Variants in TBC1D2B observed in about 807,000 individuals in gnomAD.
The protein encoded by TBC1D2B is TBC1 domain family, member 2B.
Under a neutral mutation model 100.8 loss-of-function variants are expected in TBC1D2B, and 64 were observed. That is an observed-to-expected ratio of 0.64 (90% CI 0.52 to 0.78). The LOEUF is 0.78. TBC1D2B is among the 30% of genes least tolerant of loss of function. The pLI, the probability that TBC1D2B is intolerant of heterozygous loss-of-function variation, is 0.00. For missense variants in TBC1D2B, 1,052 were observed against 1,218.4 expected, an observed-to-expected ratio of 0.86 and a Z score of 2.03; for synonymous variants, 480 against 479.7, an observed-to-expected ratio of 1.00 and a Z score of -0.01.
intron 3 of TBC1D2B, among the ~76,000 whole-genome samples, chr15:78,043,953 G>A (rs896466749): frequency 6.6e-6 from 1 of 150,632 alleles, no homozygotes; most frequent in East Asian, 2.0e-4. Context: ...GGATTGCTTC[G>A]TTCAAGGCTG....
intron 1 of TBC1D2B, among the ~76,000 whole-genome samples, chr15:78,063,713 C>T (rs749796843): frequency 5.9e-5 from 9 of 152,152 alleles, no homozygotes; most frequent in Non-Finnish European, 1.0e-4. Context: ...GCAATAACAA[C>T]ACCACACACA....
intron 3 of TBC1D2B, 133 bp downstream of exon 3, chr15:78,044,767 G>A (rs2073161150): frequency 1.3e-6 from 1 of 796,352 alleles, no homozygotes; most frequent in East Asian, 2.7e-5. Context: ...AATGATCTAT[G>A]GGAAAGTATG....
At chr15:78,048,196 C>T (rs1410219715) in intron 2 of TBC1D2B, among the ~76,000 whole-genome samples, 2 of 152,192 alleles carry the variant, frequency 1.3e-5, no homozygotes, top group Non-Finnish European at 2.9e-5. Context: ...CAGGGAGGAA[C>T]ACGTTGGAGG....
intron 4 of TBC1D2B, among the ~76,000 whole-genome samples, chr15:78,028,081 C>T (rs766742750): frequency 6.6e-6 from 1 of 152,216 alleles, no homozygotes; most frequent in Non-Finnish European, 1.5e-5. Context: ...GCACCCTATT[C>T]CTGCTGGCCC....
Position 78,024,213 on chromosome 15 carries a change from G to C in TBC1D2B, c.1413C>G (p.Pro471=), listed in dbSNP as rs1473451946. 1.9e-6 allele frequency: 3 copies of C among 1,613,876 alleles called. No homozygotes were observed. The highest frequency in any genetic ancestry group is 2.5e-6 in the Non-Finnish European group (3 of 1,179,896). ...CAACAGGCACAACCGAAGGGGAGCT[G>C]GGCGCCACGGTGGGAGGAGGCCCGT... ...EGNGPPPTVA[P]SSPSVVPVAR... is the part of the protein sequence containing the mutation. The change falls in exon 6 of 13, where the codon CCC becomes CCG. Residue 471 remains proline, a synonymous_variant. Transcript: ENST00000300584.
chr15:78,058,472 C>T (rs2073472861), intron 1 of TBC1D2B, among the ~76,000 whole-genome samples: 1 of 152,236 alleles, frequency 6.6e-6, no homozygotes, highest in South Asian at 2.1e-4. Context: ...ACCCAGGCAT[C>T]TGCTGGTCTG....
chr15:78,035,803 A>C (rs1364340625), intron 3 of TBC1D2B, among the ~76,000 whole-genome samples: 1 of 152,268 alleles, frequency 6.6e-6, no homozygotes, highest in Non-Finnish European at 1.5e-5. Flanking sequence ...GAAACTGCTT[A>C]AATAACTTAG....
chr15:78,001,708 C>CT lies in TBC1D2B; in HGVS notation c.2606dup (p.Tyr870ValfsTer17). 1 of 1,608,636 alleles carries CT rather than the reference C, an allele frequency of 6.2e-7. No individual in the cohort carries two copies. The highest frequency in any genetic ancestry group is 8.5e-7 in the Non-Finnish European group (1 of 1,177,508). On this transcript the variant is annotated frameshift_variant, in exon 12 of 13. Coordinates refer to ENST00000300584, the MANE Select transcript of TBC1D2B (RefSeq NM_144572.2). LOFTEE classifies it high-confidence loss of function. ...ATTTCAAAATCTCCTCTTCCTTGTA[C>CT]TTAAAAAGTGCCAGAGCAAAACGGA...
intron 1 of TBC1D2B, among the ~76,000 whole-genome samples, chr15:78,054,791 A>T (rs2073386882): frequency 6.6e-6 from 1 of 152,232 alleles, no homozygotes; most frequent in Non-Finnish European, 1.5e-5. Context: ...TTCCTTATAA[A>T]GTTAAACATA....
At chr15:78,021,887 G>A (rs866674840) in intron 6 of TBC1D2B, among the ~76,000 whole-genome samples, 59 of 152,324 alleles carry the variant, frequency 3.9e-4, no homozygotes, top group African/African-American at 1.2e-3. Context: ...GCTGTCTACA[G>A]AAGGAGCTGC....
At chr15:78,073,647 A>C (rs551326075) in intron 1 of TBC1D2B, among the ~76,000 whole-genome samples, 88 of 152,298 alleles carry the variant, frequency 5.8e-4, no homozygotes, top group African/African-American at 2.0e-3. Flanking sequence ...GCTCAAAAGA[A>C]ATAACTGTAC....
At position 78,024,512 on chromosome 15, in the gene TBC1D2B, C is replaced by T; in HGVS notation, c.1114G>A (p.Val372Ile). ...TACTTGTCATACTGGGATGACCGGA[C>T]TGTCTGCTGGAGCAGTCGAACAAGC... ...KELVRLLQQT[V>I]RSSQYDKYFT... Residue 372 changes from valine (V) to isoleucine (I), a missense_variant, in exon 6 of 13, where the codon GTC becomes ATC. By Grantham distance (29) the Val-to-Ile change is conservative. Transcript: ENST00000300584. 6.2e-7 allele frequency: 1 copy of T among 1,613,276 alleles called. No homozygotes were observed. Among genetic ancestry groups the T allele is most frequent in the Non-Finnish European group, 8.5e-7 (1 of 1,179,470 alleles).
chr15:78,072,049 C>T (rs1221330880), intron 1 of TBC1D2B, among the ~76,000 whole-genome samples: 2 of 152,218 alleles, frequency 1.3e-5, no homozygotes, highest in African/African-American at 4.8e-5. Context: ...GTGAAGGCTC[C>T]ACCCTCATGA....
At chr15:78,033,243 C>T (rs769561032) in intron 3 of TBC1D2B, among the ~76,000 whole-genome samples, 4 of 152,176 alleles carry the variant, frequency 2.6e-5, no homozygotes, top group Non-Finnish European at 4.4e-5. Context: ...AGAGGACATG[C>T]TCACATGAAC....
rs1025648118 is a variant in TBC1D2B at position 78,077,672 on chromosome 15, T to C, written c.-20A>G. ...CGGCATCGCTACCGCGCGCCAACCG[T>C]AGGCGCCCGCGCCCTGCGCCTCCGC... On this transcript the variant is annotated 5_prime_UTR_variant, in exon 1 of 13. Transcript: ENST00000300584. 1.0e-6 allele frequency: 1 copy of C among 983,546 alleles called. No individual in the cohort carries two copies. Among genetic ancestry groups the C allele is most frequent in the South Asian group, 4.6e-5 (1 of 21,888 alleles). The allele number at this position is 983,546 out of a possible 1,614,324, so 60.9% of individuals were successfully genotyped here. A position where few individuals can be genotyped will look rare whatever the true frequency, so the allele number is the denominator to read the frequency against.
At chr15:77,998,383 G>C in intron 12 of TBC1D2B, 28 bp from the exon 13 acceptor site, 2 of 1,541,748 alleles carry the variant, frequency 1.3e-6, no homozygotes, top group Non-Finnish European at 1.8e-6. Flanking sequence ...AGAGACAAGA[G>C]AATCAGCGGC....
chr15:78,024,196 A>G lies in TBC1D2B; in HGVS notation c.1430T>C (p.Val477Ala). Residue 477 changes from valine to alanine, a missense_variant, in exon 6 of 13, where the codon GTG (valine) becomes GCG (alanine). This residue lies in a region of TBC1D2B where 627 missense variants were observed against 646.1 expected (regional missense o/e 0.97). Coordinates refer to ENST00000300584, the MANE Select transcript of TBC1D2B (RefSeq NM_144572.2). ...TTCCAGCTGGTCCCTGGCAACAGGC[A>G]CAACCGAAGGGGAGCTGGGCGCCAC... Reference protein sequence around the residue: ...PTVAPSSPSVVPVARDQLELD... With the variant: ...PTVAPSSPSVAPVARDQLELD... 6.2e-7 allele frequency: 1 copy of G among 1,613,714 alleles called. No individual in the cohort carries two copies. Among genetic ancestry groups the G allele is most frequent in the Non-Finnish European group, 8.5e-7 (1 of 1,179,866 alleles).
chr15:78,017,837 C>T lies in TBC1D2B; in HGVS notation c.1581+10G>A. The T allele has an allele frequency of 6.3e-7, 1 of 1,587,994 alleles. No homozygotes were observed. Among genetic ancestry groups the T allele is most frequent in the East Asian group, 2.2e-5 (1 of 44,620 alleles). Reference sequence around the variant, plus strand: ...CCACCAGGTAATAGAATCCACCTATCCTGACCCACCTTTGCCATCAGATCC... The same window carrying T: ...CCACCAGGTAATAGAATCCACCTATTCTGACCCACCTTTGCCATCAGATCC... On this transcript the variant is annotated intron_variant, in intron 7 of 12. Transcript: ENST00000300584.
intron 9 of TBC1D2B, among the ~76,000 whole-genome samples, chr15:78,011,849 A>G (rs1367129226): frequency 2.0e-5 from 3 of 151,740 alleles, no homozygotes. Context: ...GTCTCACCAT[A>G]TTGGCCAGGC....
Sources: allele counts gnomAD v4.1 joint callset (sites outside exome capture counted in the v4.1 genomes callset), GRCh38; gene constraint gnomAD v4.1.1; regional missense constraint gnomAD v4.1.1; transcripts MANE v1.5; gene names NCBI Gene and HGNC (gene_info 2026-07-23, HGNC 2026-07-21).